The following ZNF618 variants were observed in gnomAD, a reference collection of about 807,000 sequenced individuals.
The protein encoded by ZNF618 is neural precursor cell expressed, developmentally down-regulated 10.
In ZNF618, 34 loss-of-function variants were observed where a neutral mutation model predicts 103.0. That is an observed-to-expected ratio of 0.33 (90% CI 0.25 to 0.44). The LOEUF is 0.44. Ranked by LOEUF, ZNF618 falls within the 20% of genes least tolerant of loss-of-function variation. The pLI is 1.00. For synonymous variants in ZNF618, 551 were observed against 542.2 expected (o/e 1.02, Z -0.23); for missense variants, 1,059 against 1,295.4 (o/e 0.82, Z 2.80).
At chr9:114,016,295 G>C (rs1481547766) in intron 9 of ZNF618, 60 of 790,412 alleles carry the variant, frequency 7.6e-5, no homozygotes, top group Non-Finnish European at 2.1e-6. Flanking sequence ...CCACTGCAGA[G>C]GGCAGGGCTT....
intron 1 of ZNF618, among the ~76,000 whole-genome samples, chr9:113,936,570 G>A (rs1588090454): frequency 6.6e-6 from 1 of 152,220 alleles, no homozygotes; most frequent in Non-Finnish European, 1.5e-5. Flanking sequence ...AGACTGGAAG[G>A]TGCCTTGGGC....
At chr9:113,979,306 C>T (rs995986618) in intron 2 of ZNF618, among the ~76,000 whole-genome samples, 26 of 152,144 alleles carry the variant, frequency 1.7e-4, no homozygotes, top group Admixed American at 1.2e-3. Flanking sequence ...GTCATGATGG[C>T]GACCCTGCAC....
At chr9:114,044,480 C>T (rs1162319088) in intron 13 of ZNF618, among the ~76,000 whole-genome samples, 3 of 151,948 alleles carry the variant, frequency 2.0e-5, no homozygotes, top group Admixed American at 2.0e-4. Flanking sequence ...AATGTGTTGC[C>T]CCCAGATTTG....
intron 1 of ZNF618, among the ~76,000 whole-genome samples, chr9:113,934,528 C>T (rs1209914462): frequency 3.3e-5 from 5 of 152,180 alleles, no homozygotes; most frequent in Non-Finnish European, 5.9e-5. Flanking sequence ...ACAGACTGGT[C>T]GCTCTTTTCA....
intron 1 of ZNF618, among the ~76,000 whole-genome samples, chr9:113,963,330 T>C (rs1157604092): frequency 6.6e-6 from 1 of 152,222 alleles, no homozygotes; most frequent in African/African-American, 2.4e-5. Context: ...TACTAACATA[T>C]AAAAATATAT....
At chr9:114,046,865 A>G (rs142847043) in intron 13 of ZNF618, among the ~76,000 whole-genome samples, 8 of 152,314 alleles carry the variant, frequency 5.3e-5, no homozygotes, top group Non-Finnish European at 7.4e-5. Flanking sequence ...TTAATCAACT[A>G]TATTCCTGGA....
Position 114,054,928 on chromosome 9 carries a change from TC to T in ZNF618, c.*4764del, listed in dbSNP as rs1003279625. 4 of 133,200 alleles carry T rather than the reference TC, an allele frequency of 3.0e-5. No individual in the cohort carries two copies. Among genetic ancestry groups the T allele is most frequent in the Non-Finnish European group, 4.8e-5 (3 of 62,368 alleles). The allele number at this position is 133,200 out of a possible 1,614,324, so 8.3% of individuals were successfully genotyped here. A position where few individuals can be genotyped will look rare whatever the true frequency, so the allele number is the denominator to read the frequency against. ...CACTGTTTGACATATTCATGCCCCGTCCCTTCCCCCCCCACCCCCCCGCCCA... is the reference window on the plus strand; with the variant it reads ...CACTGTTTGACATATTCATGCCCCGTCCTTCCCCCCCCACCCCCCCGCCCA... On this transcript the variant is annotated 3_prime_UTR_variant, in exon 15 of 15. Transcript: ENST00000374126.
At chr9:113,981,421 C>A (rs190188692) in intron 2 of ZNF618, among the ~76,000 whole-genome samples, 18 of 152,292 alleles carry the variant, frequency 1.2e-4, no homozygotes, top group African/African-American at 4.3e-4. Context: ...GATCCCTGCT[C>A]ACTCATTGTG....
At chr9:113,933,507 T>C (rs575005373) in intron 1 of ZNF618, among the ~76,000 whole-genome samples, 5 of 152,282 alleles carry the variant, frequency 3.3e-5, no homozygotes, top group Admixed American at 3.3e-4. Context: ...TTTCTCCTGA[T>C]TGCTTCTATT....
intron 1 of ZNF618, among the ~76,000 whole-genome samples, chr9:113,876,666 C>T (rs1827970727): frequency 6.6e-6 from 1 of 151,920 alleles, no homozygotes; most frequent in Non-Finnish European, 1.5e-5. Context: ...GCCCCGGGCT[C>T]GGACCGGAGC....
At chr9:113,883,417 A>T (rs974254410) in intron 1 of ZNF618, among the ~76,000 whole-genome samples, 7 of 152,310 alleles carry the variant, frequency 4.6e-5, no homozygotes, top group African/African-American at 1.7e-4. Context: ...GGTATGGTGA[A>T]TGGGGCATAG....
intron 1 of ZNF618, among the ~76,000 whole-genome samples, chr9:113,902,674 G>A: frequency 6.6e-6 from 1 of 152,298 alleles, no homozygotes; most frequent in African/African-American, 2.4e-5. Flanking sequence ...ATTACTTCCA[G>A]CTGCTTGGTG....
At chr9:113,901,491 A>C (rs757244205) in intron 1 of ZNF618, among the ~76,000 whole-genome samples, 13 of 152,178 alleles carry the variant, frequency 8.5e-5, no homozygotes, top group Non-Finnish European at 1.3e-4. Context: ...AATTGGCTCT[A>C]ACAAAATGCT....
rs79664689 is a variant in ZNF618, at chr9:113,954,932, A to G, written c.34-14185A>G. On this transcript the variant is annotated intron_variant, in intron 1 of 14. Transcript: ENST00000374126. Reference sequence around the variant, plus strand: ...ACTCCCAGTGGGCAGCCTTTTCCATAATTTTACTTCTTGCTGGACAGCCCC... The same window carrying G: ...ACTCCCAGTGGGCAGCCTTTTCCATGATTTTACTTCTTGCTGGACAGCCCC... Among the ~76,000 whole-genome samples the G allele has an allele frequency of 7.0e-3, 1,067 of 152,156 alleles. 15 individuals are homozygous for G. Among genetic ancestry groups the G allele is most frequent in the African/African-American group, 0.024 (997 of 41,486 alleles).
At position 114,056,113 on chromosome 9, in the gene ZNF618, G is replaced by A. The variant is rs1846473975; in HGVS notation, c.*5946G>A. On this transcript the variant is annotated 3_prime_UTR_variant, in exon 15 of 15. Transcript: ENST00000374126. ...CATGGGGGTTGAGTTGACGGTTCTT[G>A]TGATATGTAAACCCCCGAGACCAAA... 2 of 152,370 alleles carry A rather than the reference G, an allele frequency of 1.3e-5. No homozygotes were observed. Among genetic ancestry groups the A allele is most frequent in the Admixed American group, 1.3e-4 (2 of 15,252 alleles). 9.4% of individuals were successfully genotyped at this position (152,370 alleles called of 1,614,324 possible). A position where few individuals can be genotyped will look rare whatever the true frequency, so the allele number is the denominator to read the frequency against.
intron 7 of ZNF618, 139 bp downstream of exon 7, chr9:114,007,578 G>A (rs1313410472): frequency 1.4e-6 from 1 of 732,974 alleles, no homozygotes; most frequent in African/African-American, 1.8e-5. Flanking sequence ...TGAGGGGAAT[G>A]ACCAGCCCTG....
chr9:113,999,695 C>T (rs1351894779), intron 4 of ZNF618, among the ~76,000 whole-genome samples: 1 of 152,208 alleles, frequency 6.6e-6, no homozygotes, highest in Admixed American at 6.5e-5. Context: ...TGCAGTTGGG[C>T]CAGGGTCCTG....
intron 1 of ZNF618, among the ~76,000 whole-genome samples, chr9:113,958,574 G>A (rs1012047116): frequency 3.3e-5 from 5 of 152,170 alleles, no homozygotes; most frequent in Admixed American, 6.5e-5. Flanking sequence ...GTGGGCAGTG[G>A]GATCTCCCCA....
In ZNF618 at chr9:113,951,412, C is replaced by CACAT. The variant is rs1401852592; in HGVS notation, c.34-17702_34-17701insTACA. On this transcript the variant is annotated intron_variant, in intron 1 of 14. Coordinates refer to ENST00000374126, the MANE Select transcript of ZNF618 (RefSeq NM_001318042.2). Reference sequence around the variant, plus strand: ...TTTCCTATATATATACGTATATATACACACATATATGTGTGTGTGTATATA... The same window carrying CACAT: ...TTTCCTATATATATACGTATATATACACATACACATATATGTGTGTGTGTATATA... Among the ~76,000 whole-genome samples the CACAT allele has an allele frequency of 9.5e-4, 93 of 98,336 alleles. 4 individuals carry two copies. The highest frequency in any genetic ancestry group is 5.4e-3 in the Middle Eastern group (1 of 184). 64.5% of individuals were successfully genotyped at this position (98,336 alleles called of 152,430 possible).
Sources: gnomAD v4.1 joint callset for allele counts (sites outside exome capture counted in the v4.1 genomes callset) on GRCh38, gnomAD v4.1.1 for gene constraint, MANE v1.5 for transcripts, NCBI Gene and HGNC (gene_info 2026-07-23, HGNC 2026-07-21) for gene names.